AGTR1: variants seen among roughly 807,000 people sequenced by gnomAD.
AGTR1 encodes the protein angiotensin II receptor type 1.
AGTR1 carries 16 observed loss-of-function variants against 19.4 expected under a neutral mutation model. That is an observed-to-expected ratio of 0.82 (90% CI 0.56 to 1.25). The LOEUF (loss-of-function observed/expected upper bound fraction) is 1.25, where lower values mean the gene tolerates loss of function less well. Among genes scored for constraint, AGTR1 ranks in the 50% most tolerant of loss-of-function variants. AGTR1 has a pLI of 0.00. For missense variants in AGTR1, 373 were observed against 431.9 expected, an observed-to-expected ratio of 0.86 and a Z score of 1.21; for synonymous variants, 153 against 154.9, an observed-to-expected ratio of 0.99 and a Z score of 0.09.
At chr3:148,704,568 A>G (rs1307486468) in intron 1 of AGTR1, among the ~76,000 whole-genome samples, 3 of 152,182 alleles carry the variant, frequency 2.0e-5, no homozygotes, top group African/African-American at 4.8e-5. Context: ...AGCTTTTAAT[A>G]TAAATGCTTA....
At chr3:148,709,283 G>T (rs1349709520) in intron 2 of AGTR1, among the ~76,000 whole-genome samples, 1 of 152,094 alleles carries the variant, frequency 6.6e-6, no homozygotes, top group Non-Finnish European at 1.5e-5. Context: ...TGAACAGAAG[G>T]AGTTTTGTCC....
chr3:148,706,367 G>C (rs1056737286), intron 1 of AGTR1, among the ~76,000 whole-genome samples: 1 of 151,790 alleles, frequency 6.6e-6, no homozygotes. Flanking sequence ...TGCTAAAGTT[G>C]GTATGCCTAA....
chr3:148,739,740 C>T (rs971305480), intron 2 of AGTR1: 1 of 1,224,100 alleles, frequency 8.2e-7, no homozygotes, highest in African/African-American at 1.6e-5. Flanking sequence ...TCCTGAATGC[C>T]AAGCACAACC....
chr3:148,736,137 T>A (rs898265462), intron 2 of AGTR1, among the ~76,000 whole-genome samples: 5 of 152,174 alleles, frequency 3.3e-5, no homozygotes, highest in African/African-American at 1.2e-4. Context: ...TCAAAAGTCT[T>A]GGGAAAGCAT....
intron 2 of AGTR1, among the ~76,000 whole-genome samples, chr3:148,714,146 T>C (rs1046707871): frequency 1.3e-5 from 2 of 152,170 alleles, no homozygotes; most frequent in African/African-American, 2.4e-5. Context: ...ATAAGTGTTT[T>C]TGGACACCTA....
chr3:148,698,945 A>G (rs193283345), intron 1 of AGTR1, among the ~76,000 whole-genome samples: 125 of 151,770 alleles, frequency 8.2e-4, no homozygotes, highest in Admixed American at 1.6e-3. Flanking sequence ...TAGTCTCCCG[A>G]AGACCTCAGC....
intron 2 of AGTR1, among the ~76,000 whole-genome samples, chr3:148,738,227 A>G (rs1374970672): frequency 6.6e-6 from 1 of 152,104 alleles, no homozygotes; most frequent in Admixed American, 6.6e-5. Flanking sequence ...TCTAGAGCGT[A>G]AAGTGTACTC....
chr3:148,712,743 C>G (rs1413953074), intron 2 of AGTR1, among the ~76,000 whole-genome samples: 1 of 152,144 alleles, frequency 6.6e-6, no homozygotes, highest in African/African-American at 2.4e-5. Context: ...ATCATAAGAG[C>G]ATCTCATGTG....
chr3:148,726,334 G>A (rs6766656), intron 2 of AGTR1, among the ~76,000 whole-genome samples: 38,857 of 151,814 alleles, frequency 0.26, 7,796 homozygotes, highest in African/African-American at 0.56. Flanking sequence ...TCAGCCTCCC[G>A]AGTAGATGGG....
intron 2 of AGTR1, among the ~76,000 whole-genome samples, chr3:148,720,830 A>C (rs933142298): frequency 1.3e-5 from 2 of 152,214 alleles, no homozygotes; most frequent in African/African-American, 4.8e-5. Flanking sequence ...AGTGAATTCC[A>C]TATATTTATA....
At chr3:148,727,641 C>G (rs1472555091) in intron 2 of AGTR1, among the ~76,000 whole-genome samples, 1 of 152,170 alleles carries the variant, frequency 6.6e-6, no homozygotes, top group East Asian at 1.9e-4. Context: ...CTAGAATGAT[C>G]TAACACAGCA....
In AGTR1 at chr3:148,742,195, A is replaced by G; in HGVS notation, c.*80A>G. ...TTCCTCTGCAGCACTTCACTACCAAATGAGCATTAGCTACTTTTCAGAATT... is the reference window on the plus strand; with the variant it reads ...TTCCTCTGCAGCACTTCACTACCAAGTGAGCATTAGCTACTTTTCAGAATT... On this transcript the variant is annotated 3_prime_UTR_variant, in exon 3 of 3. Coordinates refer to ENST00000349243, the MANE Select transcript of AGTR1 (RefSeq NM_000685.5). 1 of 1,559,498 alleles carries G rather than the reference A, an allele frequency of 6.4e-7. No individual in the cohort carries two copies. Among genetic ancestry groups the G allele is most frequent in the African/African-American group, 1.4e-5 (1 of 73,470 alleles).
At position 148,741,967 on chromosome 3, in the gene AGTR1, G is replaced by T. The variant is rs1714932771; in HGVS notation, c.932G>T (p.Arg311Ile). 4 of 1,613,526 alleles carry T rather than the reference G, an allele frequency of 2.5e-6. No individual in the cohort carries two copies. Among genetic ancestry groups the T allele is most frequent in the African/African-American group, 1.3e-5 (1 of 74,924 alleles). Residue 311 changes from arginine (R) to isoleucine (I), a missense_variant, in exon 3 of 3, where the codon AGA becomes ATA. Physicochemically the swap from Arg to Ile is moderately conservative, Grantham distance 97 (BLOSUM62 -3). Transcript: ENST00000349243. Reference protein sequence around the residue: ...FYGFLGKKFKRYFLQLLKYIP... With the variant: ...FYGFLGKKFKIYFLQLLKYIP... ...GGCTTTCTGGGGAAAAAATTTAAAA[G>T]ATATTTTCTCCAGCTTCTAAAATAT...
At position 148,711,888 on chromosome 3, in the gene AGTR1, A is replaced by G. The variant is rs541553133; in HGVS notation, c.-48+3861A>G. 3.9e-5 allele frequency among the ~76,000 whole-genome samples: 6 copies of G among 152,168 alleles called. No individual in the cohort carries two copies. In the South Asian group the frequency reaches 1.2e-3, roughly 32 times the overall value. ...CTCATCCTCCCAAGTATCTAGGACT[A>G]CAGGCACATGCACTATGCCCAGCTA... On this transcript the variant is annotated intron_variant, in intron 2 of 2. Coordinates refer to ENST00000349243, the MANE Select transcript of AGTR1 (RefSeq NM_000685.5).
intron 2 of AGTR1, among the ~76,000 whole-genome samples, chr3:148,722,188 G>A (rs934097714): frequency 2.0e-5 from 3 of 151,832 alleles, no homozygotes; most frequent in Non-Finnish European, 2.9e-5. Context: ...CCCATAAAAA[G>A]AAAAAAATGA....
rs750673785 is a variant in AGTR1 at position 148,730,354 on chromosome 3, C to T, written c.-47-10635C>T. ...TCTTCTCAGGTAGATCTTAGTTCTTCCTGAGAAGGTATGAAGGTGGGTATT... is the reference window on the plus strand; with the variant it reads ...TCTTCTCAGGTAGATCTTAGTTCTTTCTGAGAAGGTATGAAGGTGGGTATT... On this transcript the variant is annotated intron_variant, in intron 2 of 2. Coordinates refer to ENST00000349243, the MANE Select transcript of AGTR1 (RefSeq NM_000685.5). The T allele has an allele frequency of 1.8e-4, 69 of 390,756 alleles. 1 individual carries two copies. The highest frequency in any genetic ancestry group is 3.0e-4 in the Non-Finnish European group (66 of 221,454). 24.2% of individuals were successfully genotyped at this position (390,756 alleles called of 1,614,324 possible).
Position 148,741,701 on chromosome 3 carries a change from A to G in AGTR1, c.666A>G (p.Leu222=), listed in dbSNP as rs199560814. ...LTSYTLIWKA[L]KKAYEIQKNK... ...GTTATACTCTTATTTGGAAGGCCCT[A>G]AAGAAGGCTTATGAAATTCAGAAGA... is the stretch of plus-strand genomic sequence containing the variant. Residue 222 remains leucine, a synonymous_variant, in exon 3 of 3, where the codon CTA becomes CTG. Transcript: ENST00000349243. 6.2e-7 allele frequency: 1 copy of G among 1,614,042 alleles called. No individual in the cohort carries two copies. The highest frequency in any genetic ancestry group is 1.3e-5 in the African/African-American group (1 of 75,022).
chr3:148,711,087 T>G (rs957430681), intron 2 of AGTR1, among the ~76,000 whole-genome samples: 2 of 152,170 alleles, frequency 1.3e-5, no homozygotes, highest in South Asian at 4.1e-4. Flanking sequence ...AGGTATTCCT[T>G]TATAGCAACA....
chr3:148,725,542 C>T (rs530625921), intron 2 of AGTR1, among the ~76,000 whole-genome samples: 33 of 151,970 alleles, frequency 2.2e-4, no homozygotes, highest in African/African-American at 2.7e-4. Flanking sequence ...TGCAGTGGCG[C>T]GATCTTGGCT....
Sources: gnomAD v4.1 joint callset for allele counts (sites outside exome capture counted in the v4.1 genomes callset) on GRCh38, gnomAD v4.1.1 for gene constraint, MANE v1.5 for transcripts, NCBI Gene and HGNC (gene_info 2026-07-23, HGNC 2026-07-21) for gene names.